The following FBXL17 variants were observed in gnomAD, a reference collection of about 807,000 sequenced individuals.
FBXL17 encodes the protein F-box and leucine rich repeat protein 17.
FBXL17 carries 22 observed loss-of-function variants against 66.2 expected under a neutral mutation model. That is an observed-to-expected ratio of 0.33 (90% CI 0.24 to 0.47). FBXL17 has a LOEUF of 0.47. FBXL17 is among the 20% of genes least tolerant of loss of function. The pLI is 1.00. For synonymous variants in FBXL17, 474 were observed against 400.5 expected (o/e 1.18, Z -2.19); for missense variants, 878 against 948.2 (o/e 0.93, Z 0.97).
chr5:108,298,882 T>C (rs1040047496), intron 4 of FBXL17: 4 of 930,174 alleles, frequency 4.3e-6, no homozygotes, highest in Non-Finnish European at 5.1e-6. Context: ...GTTTTTAAAA[T>C]GAGCCTTTTT....
intron 4 of FBXL17, among the ~76,000 whole-genome samples, chr5:108,342,591 A>T (rs1746955773): frequency 6.6e-6 from 1 of 152,188 alleles, no homozygotes; most frequent in Admixed American, 6.5e-5. Context: ...CATTACAGGT[A>T]ATGTATCCAT....
At chr5:108,003,869 A>G (rs1384833886) in intron 7 of FBXL17, among the ~76,000 whole-genome samples, 1 of 152,200 alleles carries the variant, frequency 6.6e-6, no homozygotes, top group East Asian at 1.9e-4. Flanking sequence ...ATATATGGCT[A>G]AATGTCCAGA....
intron 4 of FBXL17, among the ~76,000 whole-genome samples, chr5:108,252,275 TG>T (rs1276428064): frequency 2.0e-5 from 3 of 152,096 alleles, no homozygotes; most frequent in Admixed American, 6.6e-5. Context: ...ATTTTATAAC[TG>T]GGGGGTTTCT....
chr5:108,372,990 T>A (rs555388797), intron 1 of FBXL17, among the ~76,000 whole-genome samples: 154 of 152,094 alleles, frequency 1.0e-3, no homozygotes, highest in African/African-American at 3.5e-3. Flanking sequence ...TTCATAAAGC[T>A]GTAACTTGTG....
intron 6 of FBXL17, among the ~76,000 whole-genome samples, chr5:108,032,814 A>C (rs1456990924): frequency 6.6e-6 from 1 of 152,194 alleles, no homozygotes; most frequent in Non-Finnish European, 1.5e-5. Context: ...CAGTAGTCAC[A>C]GGAAACTAAT....
Position 108,380,906 on chromosome 5 carries a change from G to A in FBXL17, c.786C>T (p.Pro262=), listed in dbSNP as rs531064681. ...GGGCACCTTCGGAGGTGGGAGAAGA[G>A]GGCGGAGGGCAGAGCGGCTGCGGGG... The part of the protein sequence containing the change: ...EQPPQPLCPP[P]SSPTSEGAPT... The change falls in exon 1 of 9, where the codon CCC becomes CCT. Residue 262 remains proline (P), a synonymous_variant. Coordinates refer to ENST00000542267, the MANE Select transcript of FBXL17 (RefSeq NM_001163315.3). 415 of 1,231,106 alleles carry A rather than the reference G, an allele frequency of 3.4e-4. 7 individuals are homozygous for A. The East Asian group carries it at 0.013, about 39-fold the overall frequency. The allele number at this position is 1,231,106 out of a possible 1,614,324, so 76.3% of individuals were successfully genotyped here. A position where few individuals can be genotyped will look rare whatever the true frequency, so the allele number is the denominator to read the frequency against.
chr5:108,223,635 A>G (rs1754969296), intron 5 of FBXL17, among the ~76,000 whole-genome samples: 1 of 152,216 alleles, frequency 6.6e-6, no homozygotes, highest in Non-Finnish European at 1.5e-5. Context: ...GATCATTTCT[A>G]AAAATATGAA....
chr5:108,121,804 G>A (rs1750513409), intron 6 of FBXL17, among the ~76,000 whole-genome samples: 1 of 152,180 alleles, frequency 6.6e-6, no homozygotes, highest in Non-Finnish European at 1.5e-5. Context: ...TGATCCGCCT[G>A]CCTTGGCCTT....
intron 4 of FBXL17, among the ~76,000 whole-genome samples, chr5:108,271,550 T>A (rs13173916): frequency 0.16 from 24,533 of 152,156 alleles, 2,119 homozygotes; most frequent in South Asian, 0.33. Flanking sequence ...GCAGCTACCA[T>A]GAAGAAAACT....
In FBXL17 at chr5:108,322,000, C is replaced by T. The variant is rs560329450; in HGVS notation, c.1506+26399G>A. Among the ~76,000 whole-genome samples, 49 of 152,006 alleles carry T rather than the reference C, an allele frequency of 3.2e-4. 1 individual carries two copies. In the South Asian group the frequency reaches 9.7e-3, roughly 30 times the overall value. ...ACGCAAATTAAAACCAACTCAGATA[C>T]CACTTCTTGACTGTCAAAATGGCAA... On this transcript the variant is annotated intron_variant, in intron 4 of 8. Coordinates refer to ENST00000542267, the MANE Select transcript of FBXL17 (RefSeq NM_001163315.3).
chr5:107,969,287 A>G (rs1752276381), intron 7 of FBXL17, among the ~76,000 whole-genome samples: 1 of 152,148 alleles, frequency 6.6e-6, no homozygotes, highest in African/African-American at 2.4e-5. Flanking sequence ...TTTGACTCAC[A>G]CAGAAATTGT....
intron 2 of FBXL17, among the ~76,000 whole-genome samples, chr5:108,365,408 G>C (rs1748599311): frequency 6.6e-6 from 1 of 152,070 alleles, no homozygotes; most frequent in South Asian, 2.1e-4. Flanking sequence ...ACTTACAGGA[G>C]AGGAAGGAAG....
intron 4 of FBXL17, among the ~76,000 whole-genome samples, chr5:108,276,779 A>AC (rs1757499194): frequency 6.6e-6 from 1 of 152,272 alleles, no homozygotes; most frequent in East Asian, 1.9e-4. Flanking sequence ...AAGAAAAAAA[A>AC]TTATTATTCA....
chr5:108,162,768 G>T (rs528885539), intron 6 of FBXL17, among the ~76,000 whole-genome samples: 3 of 152,108 alleles, frequency 2.0e-5, no homozygotes, highest in Non-Finnish European at 4.4e-5. Context: ...ACCTCACAGG[G>T]TTATCGGAAA....
intron 7 of FBXL17, among the ~76,000 whole-genome samples, chr5:107,929,710 T>C (rs1750664746): frequency 6.6e-6 from 1 of 151,762 alleles, no homozygotes; most frequent in Non-Finnish European, 1.5e-5. Flanking sequence ...GTGTTAGATC[T>C]CTGTGGGAGG....
chr5:108,058,261 C>A (rs1747786724), intron 6 of FBXL17, among the ~76,000 whole-genome samples: 1 of 152,154 alleles, frequency 6.6e-6, no homozygotes, highest in African/African-American at 2.4e-5. Context: ...TTTATTATAT[C>A]TAAGTGGCAG....
chr5:108,114,371 TGAC>T (rs1263156318), intron 6 of FBXL17, among the ~76,000 whole-genome samples: 2 of 145,390 alleles, frequency 1.4e-5, no homozygotes, highest in African/African-American at 5.0e-5. Context: ...AAATTCAGTA[TGAC>T]ATCAAGCATA....
At chr5:108,253,116 G>A (rs530091189) in intron 4 of FBXL17, among the ~76,000 whole-genome samples, 23 of 152,094 alleles carry the variant, frequency 1.5e-4, no homozygotes, top group Admixed American at 3.3e-4. Context: ...AATTGTAACC[G>A]CATGATCAAA....
intron 7 of FBXL17, among the ~76,000 whole-genome samples, chr5:107,973,649 C>G (rs768986353): frequency 3.9e-5 from 6 of 151,920 alleles, no homozygotes; most frequent in Non-Finnish European, 7.4e-5. Flanking sequence ...AATTCTAGAT[C>G]TAGCATTCCA....
Sources: gnomAD v4.1 joint callset for allele counts (sites outside exome capture counted in the v4.1 genomes callset) on GRCh38, gnomAD v4.1.1 for gene constraint, MANE v1.5 for transcripts, NCBI Gene and HGNC (gene_info 2026-07-23, HGNC 2026-07-21) for gene names.